CLPP: variants seen among roughly 807,000 people sequenced by gnomAD.
CLPP encodes the protein caseinolytic mitochondrial matrix peptidase proteolytic subunit.
A neutral mutation model predicts 27.4 loss-of-function variants in CLPP; 14 were observed. That is an observed-to-expected ratio of 0.51 (90% CI 0.34 to 0.80). The LOEUF (loss-of-function observed/expected upper bound fraction) is 0.80, where lower values mean the gene tolerates loss of function less well. Among genes scored for constraint, CLPP ranks in the 30% least tolerant of loss-of-function variants. The probability of loss-of-function intolerance (pLI) is 0.02; values close to 1 mark genes in which losing one functional copy is unlikely to be tolerated. For missense variants in CLPP, 361 were observed against 403.6 expected, an observed-to-expected ratio of 0.89 and a Z score of 0.90; for synonymous variants, 193 against 166.6, an observed-to-expected ratio of 1.16 and a Z score of -1.22.
chr19:6,366,914 A>G (rs140755632), intron 5 of CLPP, among the ~76,000 whole-genome samples: 9,769 of 151,552 alleles, frequency 0.064, 400 homozygotes, highest in Non-Finnish European at 0.099. Flanking sequence ...TACAAGTGTG[A>G]GCCACCACGC....
intron 5 of CLPP, among the ~76,000 whole-genome samples, chr19:6,366,988 C>G (rs565228424): frequency 2.6e-5 from 4 of 151,940 alleles, no homozygotes; most frequent in African/African-American, 9.6e-5. Context: ...CCTGTAATCC[C>G]AGCACTTTGG....
Position 6,368,769 on chromosome 19 carries a change from C to G in CLPP, c.*59C>G. ...GGCCAGAGGCCTGCCAGACCCCCAG[C>G]TGGGCCCTGCTCACCCCTTGTTGCT... On this transcript the variant is annotated 3_prime_UTR_variant, in exon 6 of 6. Coordinates refer to ENST00000245816, the MANE Select transcript of CLPP (RefSeq NM_006012.4). The G allele has an allele frequency of 6.7e-7, 1 of 1,484,528 alleles. No individual in the cohort carries two copies. The highest frequency in any genetic ancestry group is 9.1e-7 in the Non-Finnish European group (1 of 1,101,270). The allele number at this position is 1,484,528 out of a possible 1,614,324, so 92.0% of individuals were successfully genotyped here. A position where few individuals can be genotyped will look rare whatever the true frequency, so the allele number is the denominator to read the frequency against.
chr19:6,367,433 T>C (rs1238422796), intron 5 of CLPP, among the ~76,000 whole-genome samples: 1 of 139,174 alleles, frequency 7.2e-6, no homozygotes, highest in Admixed American at 7.2e-5. Context: ...ATTTTGCAAA[T>C]ATGTTGCATG....
rs2091868213 is a variant in CLPP, at chr19:6,367,429, C to CAAATATGT, written c.661+1067_661+1074dup. ...TCCACAGCATCACAGATGAATTTTG[C>CAAATATGT]AAATATGTTGCATGAAAGAAGAATA... On this transcript the variant is annotated intron_variant, in intron 5 of 5. Coordinates refer to ENST00000245816, the MANE Select transcript of CLPP (RefSeq NM_006012.4). 7.4e-5 allele frequency among the ~76,000 whole-genome samples: 11 copies of CAAATATGT among 148,732 alleles called. No individual in the cohort carries two copies. In the South Asian group the frequency reaches 2.4e-3, roughly 32 times the overall value.
At chr19:6,362,362 T>C in intron 2 of CLPP, 84 bp from the exon 3 acceptor site, 5 of 915,110 alleles carry the variant, frequency 5.5e-6, no homozygotes, top group South Asian at 1.3e-5. Context: ...TCCCCCTTCC[T>C]GGTTCCCTGA....
intron 3 of CLPP, among the ~76,000 whole-genome samples, chr19:6,363,849 C>G (rs1164366371): frequency 6.7e-6 from 1 of 149,248 alleles, no homozygotes; most frequent in African/African-American, 2.5e-5. Context: ...GAGCTGAGAT[C>G]GCGCTACTGC....
intron 5 of CLPP, among the ~76,000 whole-genome samples, chr19:6,367,721 A>ATTT (rs55682354): frequency 0.026 from 3,685 of 142,096 alleles, 182 homozygotes; most frequent in African/African-American, 0.093. Context: ...ATCAATAACA[A>ATTT]TTTTTTTTTT....
chr19:6,361,601 G>C lies in CLPP; in HGVS notation c.27G>C (p.Gly9=), dbSNP rs2091833502. ...TGTGGCCCGGAATATTGGTAGGGGG[G>C]GCCCGGGTGGCGTCATGCAGGTACC... The part of the protein sequence containing the change: MWPGILVG[G]ARVASCRYPA... Residue 9 remains glycine (G), a synonymous_variant, in exon 1 of 6, where the codon GGG becomes GGC. Coordinates refer to ENST00000245816, the MANE Select transcript of CLPP (RefSeq NM_006012.4). 6 of 1,413,146 alleles carry C rather than the reference G, an allele frequency of 4.2e-6. No homozygotes were observed. The highest frequency in any genetic ancestry group is 3.1e-5 in the Admixed American group (1 of 32,224). The allele number at this position is 1,413,146 out of a possible 1,614,324, so 87.5% of individuals were successfully genotyped here. A position where few individuals can be genotyped will look rare whatever the true frequency, so the allele number is the denominator to read the frequency against.
At chr19:6,365,951 TAAA>T (rs56755865) in intron 4 of CLPP, among the ~76,000 whole-genome samples, 1 of 133,878 alleles carries the variant, frequency 7.5e-6, no homozygotes, top group Admixed American at 7.6e-5. Flanking sequence ...ACCCCATCTC[TAAA>T]AAAAAAAAAC....
rs540424262 is a variant in CLPP at position 6,369,844 on chromosome 19, C to T, written c.*1134C>T. Among the ~76,000 whole-genome samples, 5 of 151,338 alleles carry T rather than the reference C, an allele frequency of 3.3e-5. No homozygotes were observed. Among genetic ancestry groups the T allele is most frequent in the East Asian group, 1.9e-4 (1 of 5,158 alleles). ...TGAGAATAGATCATAAAAGGCCTGACATCTAAAAGGAGGGATGTGAACCAT... is the reference window on the plus strand; with the variant it reads ...TGAGAATAGATCATAAAAGGCCTGATATCTAAAAGGAGGGATGTGAACCAT... On this transcript the variant is annotated 3_prime_UTR_variant, in exon 6 of 6. Coordinates refer to ENST00000245816, the MANE Select transcript of CLPP (RefSeq NM_006012.4).
chr19:6,367,374 CAA>C (rs761550793), intron 5 of CLPP, among the ~76,000 whole-genome samples: 16 of 60,772 alleles, frequency 2.6e-4, no homozygotes, highest in Admixed American at 3.5e-4. Flanking sequence ...GACCCTGTCT[CAA>C]AAAAAAAAAA....
rs1188417340 is a variant in CLPP, at chr19:6,369,530, A to AAGCCTCAAAGGAGGTGAGGGGTGG, written c.*826_*849dup. On this transcript the variant is annotated 3_prime_UTR_variant, in exon 6 of 6. Transcript: ENST00000245816. Reference sequence around the variant, plus strand: ...TCACTGAGAAGGTGGTGGTTGAGCAAAGCCTCAAAGGAGGTGAGGGGTGGA... The same window carrying AAGCCTCAAAGGAGGTGAGGGGTGG: ...TCACTGAGAAGGTGGTGGTTGAGCAAAGCCTCAAAGGAGGTGAGGGGTGGAGCCTCAAAGGAGGTGAGGGGTGGA... 6.6e-6 allele frequency among the ~76,000 whole-genome samples: 1 copy of AAGCCTCAAAGGAGGTGAGGGGTGG among 152,166 alleles called. No homozygotes were observed. Among genetic ancestry groups the AAGCCTCAAAGGAGGTGAGGGGTGG allele is most frequent in the African/African-American group, 2.4e-5 (1 of 41,426 alleles).
In CLPP at chr19:6,368,952, ATC is replaced by A. The variant is rs2091875051; in HGVS notation, c.*244_*245del. The A allele has an allele frequency of 1.9e-6, 1 of 524,146 alleles. No homozygotes were observed. The highest frequency in any genetic ancestry group is 3.4e-6 in the Non-Finnish European group (1 of 294,930). 32.5% of individuals were successfully genotyped at this position (524,146 alleles called of 1,614,324 possible). On this transcript the variant is annotated 3_prime_UTR_variant, in exon 6 of 6. Transcript: ENST00000245816. ...TTCTGCACCATGACAGCGTGTACAC[ATC>A]TGTGTTTCACAGGCCCCTTCTGCTT...
Position 6,362,551 on chromosome 19 carries a change from G to T in CLPP, c.367+9G>T. On this transcript the variant is annotated intron_variant, in intron 3 of 5. Transcript: ENST00000245816. The stretch of plus-strand genomic sequence containing the variant: ...GTACATCAACAGCCCTGGTGAGCAG[G>T]GTCTTTCCTGGGTGCCAGGGGCACT... 1 of 1,601,298 alleles carries T rather than the reference G, an allele frequency of 6.2e-7. No individual in the cohort carries two copies. The highest frequency in any genetic ancestry group is 1.1e-5 in the South Asian group (1 of 90,832).
intron 2 of CLPP, 111 bp downstream of exon 2, chr19:6,362,051 C>G (rs1370505364): frequency 5.8e-6 from 6 of 1,034,222 alleles, no homozygotes; most frequent in African/African-American, 4.8e-5. Flanking sequence ...CGCTCCCCTT[C>G]TAACCCCCTT....
chr19:6,361,624 AC>A lies in CLPP; in HGVS notation c.54del (p.Ala19ArgfsTer108), dbSNP rs2091833812. Reference protein sequence around the residue: ...VGGARVASCRYPALGPRLAAH... With the variant: ...VGGARVASCRXPALGPRLAAH... ...GGGGCCCGGGTGGCGTCATGCAGGT[AC>A]CCCGCGCTGGGGCCTCGCCTCGCCG... On this transcript the variant is annotated frameshift_variant, in exon 1 of 6. Coordinates refer to ENST00000245816, the MANE Select transcript of CLPP (RefSeq NM_006012.4). LOFTEE classifies it high-confidence loss of function. 7.0e-7 allele frequency: 1 copy of A among 1,422,806 alleles called. No individual in the cohort carries two copies. Among genetic ancestry groups the A allele is most frequent in the Non-Finnish European group, 9.2e-7 (1 of 1,088,556 alleles). 88.1% of individuals were successfully genotyped at this position (1,422,806 alleles called of 1,614,324 possible).
chr19:6,364,877 C>T (rs899363892), intron 4 of CLPP: 22 of 425,792 alleles, frequency 5.2e-5, no homozygotes, highest in African/African-American at 2.9e-4. Context: ...TACAGGCGCC[C>T]GCCACCACGC....
At position 6,368,386 on chromosome 19, in the gene CLPP, CCCATCTCCAAATCCCATCCCACTA is replaced by C. The variant is rs1438287576; in HGVS notation, c.662-151_662-128del. On this transcript the variant is annotated intron_variant, in intron 5 of 5. Transcript: ENST00000245816. The stretch of plus-strand genomic sequence containing the variant: ...TCTCTCCTAATGACTTCCCAAGGAC[CCCATCTCCAAATCCCATCCCACTA>C]GGGGATGGGGCTTCAACATATGAAC... The C allele has an allele frequency of 3.7e-5, 27 of 739,528 alleles. No homozygotes were observed. In the East Asian group the frequency reaches 7.3e-4, roughly 20 times the overall value. The allele number at this position is 739,528 out of a possible 1,614,324, so 45.8% of individuals were successfully genotyped here.
chr19:6,365,182 A>G (rs982730084), intron 4 of CLPP: 5 of 143,190 alleles, frequency 3.5e-5, no homozygotes, highest in African/African-American at 1.0e-4. Context: ...TCTATTAAAG[A>G]AAAAAAAAAA....
Sources: gnomAD v4.1 joint callset for allele counts (sites outside exome capture counted in the v4.1 genomes callset) on GRCh38, gnomAD v4.1.1 for gene constraint, MANE v1.5 for transcripts, NCBI Gene and HGNC (gene_info 2026-07-23, HGNC 2026-07-21) for gene names.